Variants in SMAD6 observed in about 807,000 individuals in gnomAD.
SMAD6 encodes the protein MAD homolog 6.
SMAD6 carries 103 observed loss-of-function variants against 39.4 expected under a neutral mutation model. The observed-to-expected ratio is 2.62, with a 90% CI of 2.23 to 3.08. SMAD6 has a LOEUF of 3.08. Ranked by LOEUF, SMAD6 falls within the 30% of genes most tolerant of loss-of-function variation. The pLI is 0.00. For missense variants in SMAD6, 1,104 were observed against 742.9 expected (o/e 1.49, Z -5.65); for synonymous variants, 445 against 353.3 (o/e 1.26, Z -2.91).
chr15:66,711,701 C>T lies in SMAD6; in HGVS notation c.851C>T (p.Pro284Leu), dbSNP rs150101601. The T allele has an allele frequency of 4.5e-5, 72 of 1,613,498 alleles. No homozygotes were observed. Among genetic ancestry groups the T allele is most frequent in the Non-Finnish European group, 6.1e-5 (72 of 1,179,930 alleles). The change falls in exon 2 of 4, where the codon CCT becomes CTT. Residue 284 changes from proline (P) to leucine (L), a missense_variant. Physicochemically the swap from Pro to Leu is moderately conservative, Grantham distance 98. Transcript: ENST00000288840. ...CCACCTCCCTACTCTCGGCTGTCTCCTCGCGACGAGTACAAGCCACTGGGT... is the reference window on the plus strand; with the variant it reads ...CCACCTCCCTACTCTCGGCTGTCTCTTCGCGACGAGTACAAGCCACTGGGT... The part of the protein sequence containing the change: ...SPPPPYSRLS[P>L]RDEYKPLDLS...
intron 3 of SMAD6, among the ~76,000 whole-genome samples, chr15:66,738,452 C>T (rs1488503602): frequency 6.6e-6 from 1 of 152,184 alleles, no homozygotes; most frequent in Non-Finnish European, 1.5e-5. Flanking sequence ...TGTCAACGAT[C>T]CTCCAGGAAG....
chr15:66,741,423 A>T (rs1419720642), intron 3 of SMAD6, among the ~76,000 whole-genome samples: 1 of 152,240 alleles, frequency 6.6e-6, no homozygotes, highest in African/African-American at 2.4e-5. Flanking sequence ...TTTGTGTTTC[A>T]TTAGGCTCCT....
Position 66,719,441 on chromosome 15 carries a change from C to T in SMAD6, c.952+2943C>T, listed in dbSNP as rs368373710. Among the ~76,000 whole-genome samples, 53 of 152,242 alleles carry T rather than the reference C, an allele frequency of 3.5e-4. No individual in the cohort carries two copies. The East Asian group carries it at 9.6e-3, about 28-fold the overall frequency. On this transcript the variant is annotated intron_variant, in intron 3 of 3. Transcript: ENST00000288840. Reference sequence around the variant, plus strand: ...CCTTGGGGACCACCCAGAGATCACACCACTCGCTGGCCTGGCCTTCCATCT... The same window carrying T: ...CCTTGGGGACCACCCAGAGATCACATCACTCGCTGGCCTGGCCTTCCATCT...
Position 66,781,594 on chromosome 15 carries a change from C to G in SMAD6, c.*59C>G. The stretch of plus-strand genomic sequence containing the variant: ...CGCGGCCACCGCCACCTGCCGGCCT[C>G]GAGAGGGGCCGATGCCCAGAGACAC... On this transcript the variant is annotated 3_prime_UTR_variant, in exon 4 of 4. Coordinates refer to ENST00000288840, the MANE Select transcript of SMAD6 (RefSeq NM_005585.5). The G allele has an allele frequency of 7.7e-7, 1 of 1,299,664 alleles. No homozygotes were observed. The highest frequency in any genetic ancestry group is 1.6e-5 in the South Asian group (1 of 63,982). 80.5% of individuals were successfully genotyped at this position (1,299,664 alleles called of 1,614,324 possible).
chr15:66,761,047 G>T (rs1289909126), intron 3 of SMAD6, among the ~76,000 whole-genome samples: 1 of 152,196 alleles, frequency 6.6e-6, no homozygotes, highest in African/African-American at 2.4e-5. Context: ...ATCTGGACAC[G>T]AGGGCAGGAG....
chr15:66,714,999 C>T (rs1893299300), intron 2 of SMAD6, among the ~76,000 whole-genome samples: 1 of 149,208 alleles, frequency 6.7e-6, no homozygotes, highest in African/African-American at 2.5e-5. Flanking sequence ...AAAGCAAAAC[C>T]CTTTTAAGAA....
chr15:66,781,879 T>G lies in SMAD6; in HGVS notation c.*344T>G, dbSNP rs1216597521. 2 of 398,622 alleles carry G rather than the reference T, an allele frequency of 5.0e-6. No homozygotes were observed. Among genetic ancestry groups the G allele is most frequent in the African/African-American group, 4.1e-5 (2 of 48,592 alleles). The allele number at this position is 398,622 out of a possible 1,614,324, so 24.7% of individuals were successfully genotyped here. ...TTATATATATATATAAAGAAAATGATACAGCAGAGCTAGGTGGAAAAGCCT... is the reference window on the plus strand; with the variant it reads ...TTATATATATATATAAAGAAAATGAGACAGCAGAGCTAGGTGGAAAAGCCT... On this transcript the variant is annotated 3_prime_UTR_variant, in exon 4 of 4. Coordinates refer to ENST00000288840, the MANE Select transcript of SMAD6 (RefSeq NM_005585.5).
intron 1 of SMAD6, chr15:66,708,695 A>G (rs938097860): frequency 9.3e-5 from 44 of 470,942 alleles, no homozygotes; most frequent in Non-Finnish European, 1.9e-4. Context: ...CATATATTGT[A>G]TGAAATGAAA....
chr15:66,770,971 C>T (rs760391959), intron 3 of SMAD6, among the ~76,000 whole-genome samples: 1 of 152,208 alleles, frequency 6.6e-6, no homozygotes, highest in Non-Finnish European at 1.5e-5. Flanking sequence ...CGTGGCTCTT[C>T]GAAGCTATAG....
intron 3 of SMAD6, among the ~76,000 whole-genome samples, chr15:66,763,863 A>G (rs1043800563): frequency 1.3e-4 from 20 of 152,240 alleles, no homozygotes; most frequent in Non-Finnish European, 7.3e-5. Flanking sequence ...GCCCTAGGCA[A>G]CGCTGCTTCT....
chr15:66,775,723 G>A (rs1233433679), intron 3 of SMAD6, among the ~76,000 whole-genome samples: 1 of 152,234 alleles, frequency 6.6e-6, no homozygotes, highest in East Asian at 1.9e-4. Context: ...GGTCATCTTT[G>A]ATGTTGTTCA....
chr15:66,741,687 A>G (rs1453874880), intron 3 of SMAD6, among the ~76,000 whole-genome samples: 4 of 152,182 alleles, frequency 2.6e-5, no homozygotes, highest in Non-Finnish European at 4.4e-5. Flanking sequence ...TTTTGGGGCA[A>G]TTTAGAAAAG....
chr15:66,703,775 A>G lies in SMAD6; in HGVS notation c.517A>G (p.Lys173Glu). ...SRLLLLEQELKTVTYSLLKRL... is the reference protein window; with the variant it reads ...SRLLLLEQELETVTYSLLKRL... ...GCTGCTGCTGCTGGAGCAGGAACTC[A>G]AAACCGTCACGTACTCGCTGCTGAA... Residue 173 changes from lysine (K) to glutamate (E), a missense_variant, in exon 1 of 4, where the codon AAA (lysine) becomes GAA (glutamate). By Grantham distance (56) the Lys-to-Glu change is moderately conservative. Transcript: ENST00000288840. 3 of 1,432,276 alleles carry G rather than the reference A, an allele frequency of 2.1e-6. No individual in the cohort carries two copies. Among genetic ancestry groups the G allele is most frequent in the South Asian group, 1.4e-5 (1 of 71,912 alleles). 88.7% of individuals were successfully genotyped at this position (1,432,276 alleles called of 1,614,324 possible).
At chr15:66,767,986 T>C (rs1048326163) in intron 3 of SMAD6, among the ~76,000 whole-genome samples, 1 of 123,894 alleles carries the variant, frequency 8.1e-6, no homozygotes, top group Non-Finnish European at 1.7e-5. Flanking sequence ...TTTTTTTTTT[T>C]GGAGACAGGG....
intron 3 of SMAD6, among the ~76,000 whole-genome samples, chr15:66,724,435 A>C (rs748653028): frequency 1.3e-5 from 2 of 152,178 alleles, no homozygotes. Context: ...GGTACTCTCT[A>C]AGTGCCATAA....
chr15:66,714,658 C>T (rs1259000211), intron 2 of SMAD6, among the ~76,000 whole-genome samples: 1 of 152,198 alleles, frequency 6.6e-6, no homozygotes, highest in African/African-American at 2.4e-5. Context: ...ACCTGGAGCT[C>T]CAACTTGCAG....
chr15:66,726,543 CCT>C, intron 3 of SMAD6, among the ~76,000 whole-genome samples: 1 of 152,258 alleles, frequency 6.6e-6, no homozygotes, highest in African/African-American at 2.4e-5. Flanking sequence ...GTAGGCAGAC[CCT>C]GTCTCCTGCT....
chr15:66,746,004 G>T (rs1415787579), intron 3 of SMAD6, among the ~76,000 whole-genome samples: 1 of 152,186 alleles, frequency 6.6e-6, no homozygotes, highest in Non-Finnish European at 1.5e-5. Flanking sequence ...GGCCATTAGG[G>T]ATGTGTACTA....
chr15:66,757,236 A>C (rs940283644), intron 3 of SMAD6, among the ~76,000 whole-genome samples: 15 of 152,174 alleles, frequency 9.9e-5, no homozygotes, highest in African/African-American at 3.6e-4. Context: ...TGCCAACTCC[A>C]ATACGCAGGG....
Sources: allele counts gnomAD v4.1 joint callset (sites outside exome capture counted in the v4.1 genomes callset), GRCh38; gene constraint gnomAD v4.1.1; transcripts MANE v1.5; gene names NCBI Gene and HGNC (gene_info 2026-07-23, HGNC 2026-07-21).